C1orf21: variants seen among roughly 807,000 people sequenced by gnomAD.
C1orf21 encodes the protein chromosome 1 open reading frame 21.
In C1orf21, 3 loss-of-function variants were observed where a neutral mutation model predicts 18.7. That is an observed-to-expected ratio of 0.16 (90% CI 0.07 to 0.42). C1orf21 has a LOEUF of 0.42. Ranked by LOEUF, C1orf21 falls within the 10% of genes least tolerant of loss-of-function variation. The pLI, the probability that C1orf21 is intolerant of heterozygous loss-of-function variation, is 0.99. For missense variants in C1orf21, 104 were observed against 143.6 expected (o/e 0.72, Z 1.41); for synonymous variants, 41 against 46.4 (o/e 0.88, Z 0.47).
intron 1 of C1orf21, among the ~76,000 whole-genome samples, chr1:184,405,027 A>C (rs953234765): frequency 6.6e-6 from 1 of 152,112 alleles, no homozygotes; most frequent in African/African-American, 2.4e-5. Flanking sequence ...CTTGCATTAA[A>C]ATTTTATGTG....
chr1:184,531,222 G>A (rs1434819665), intron 3 of C1orf21, among the ~76,000 whole-genome samples: 1 of 152,050 alleles, frequency 6.6e-6, no homozygotes, highest in East Asian at 1.9e-4. Context: ...TCTGGCTTTG[G>A]TGTTAACTTC....
intron 3 of C1orf21, among the ~76,000 whole-genome samples, chr1:184,539,530 T>G (rs1248724271): frequency 1.3e-5 from 2 of 152,246 alleles, no homozygotes; most frequent in Non-Finnish European, 2.9e-5. Flanking sequence ...ATGTTTCCTC[T>G]TCTTCAGTTA....
chr1:184,617,536 T>A (rs1333916688), intron 5 of C1orf21, among the ~76,000 whole-genome samples: 1 of 152,208 alleles, frequency 6.6e-6, no homozygotes, highest in African/African-American at 2.4e-5. Flanking sequence ...TCAGAGCATG[T>A]CTCCTGAGTG....
chr1:184,440,858 A>T (rs1191952532), intron 1 of C1orf21, among the ~76,000 whole-genome samples: 2 of 152,200 alleles, frequency 1.3e-5, no homozygotes, highest in Non-Finnish European at 1.5e-5. Context: ...GGCTGGCCAG[A>T]TTCTACATTT....
intron 1 of C1orf21, among the ~76,000 whole-genome samples, chr1:184,415,964 A>G (rs1157076461): frequency 1.3e-5 from 2 of 152,200 alleles, no homozygotes; most frequent in African/African-American, 2.4e-5. Context: ...CTTCTCAGGA[A>G]TATAATCGGG....
At chr1:184,530,314 A>G (rs1404867514) in intron 3 of C1orf21, among the ~76,000 whole-genome samples, 3 of 152,090 alleles carry the variant, frequency 2.0e-5, no homozygotes, top group East Asian at 3.9e-4. Flanking sequence ...GATGGAGACA[A>G]TAATGGCACC....
chr1:184,472,545 T>A (rs1003618441), intron 1 of C1orf21, among the ~76,000 whole-genome samples: 1 of 152,248 alleles, frequency 6.6e-6, no homozygotes, highest in Non-Finnish European at 1.5e-5. Flanking sequence ...TAATGTTATG[T>A]AAATAGAAAT....
At position 184,623,526 on chromosome 1, in the gene C1orf21, AG is replaced by A. The variant is rs1659958015; in HGVS notation, c.*3973del. On this transcript the variant is annotated 3_prime_UTR_variant, in exon 6 of 6. Transcript: ENST00000235307. ...AAATAATAAGGCATGATTGGTGGGGAGGGAATGTGTATTTAGGGGCATAATA... is the reference window on the plus strand; with the variant it reads ...AAATAATAAGGCATGATTGGTGGGGAGGAATGTGTATTTAGGGGCATAATA... 1 of 151,928 alleles carries A rather than the reference AG, an allele frequency of 6.6e-6. No individual in the cohort carries two copies. Among genetic ancestry groups the A allele is most frequent in the South Asian group, 2.1e-4 (1 of 4,812 alleles). The allele number at this position is 151,928 out of a possible 1,614,324, so 9.4% of individuals were successfully genotyped here.
rs140741155 is a variant in C1orf21, at chr1:184,425,099, G to A, written c.-125+37731G>A. 1.5e-3 allele frequency among the ~76,000 whole-genome samples: 225 copies of A among 152,260 alleles called. 2 individuals carry two copies. Among genetic ancestry groups the A allele is most frequent in the Middle Eastern group, 0.01 (3 of 294 alleles). On this transcript the variant is annotated intron_variant, in intron 1 of 5. Transcript: ENST00000235307. ...GGAATAAGGCTCATGAATGGGGCCTGAATGTTTGGGTGTGACTTCTGGCTC... is the reference window on the plus strand; with the variant it reads ...GGAATAAGGCTCATGAATGGGGCCTAAATGTTTGGGTGTGACTTCTGGCTC...
chr1:184,560,857 T>C (rs1658954320), intron 3 of C1orf21, among the ~76,000 whole-genome samples: 1 of 152,216 alleles, frequency 6.6e-6, no homozygotes, highest in African/African-American at 2.4e-5. Context: ...ATTAATGAGA[T>C]GGTGACTAAT....
At chr1:184,587,752 A>T (rs1043679309) in intron 3 of C1orf21, among the ~76,000 whole-genome samples, 1 of 147,716 alleles carries the variant, frequency 6.8e-6, no homozygotes. Context: ...AGTAGCTGGG[A>T]TTAGAGGCAC....
chr1:184,431,847 A>G (rs34282348), intron 1 of C1orf21, among the ~76,000 whole-genome samples: 11,908 of 152,288 alleles, frequency 0.078, 580 homozygotes, highest in African/African-American at 0.12. Context: ...AAACAACCTC[A>G]TCAAAAAGTG....
chr1:184,510,454 C>A (rs1658127243), intron 3 of C1orf21, among the ~76,000 whole-genome samples: 1 of 152,136 alleles, frequency 6.6e-6, no homozygotes, highest in South Asian at 2.1e-4. Flanking sequence ...ATACAAAGAG[C>A]TGCAGCTATT....
intron 3 of C1orf21, among the ~76,000 whole-genome samples, chr1:184,562,009 G>T (rs1658973826): frequency 6.6e-6 from 1 of 151,326 alleles, no homozygotes; most frequent in Non-Finnish European, 1.5e-5. Context: ...GCCTTTTTTA[G>T]GTTTTCTTTT....
intron 2 of C1orf21, among the ~76,000 whole-genome samples, chr1:184,489,933 A>G (rs890516414): frequency 6.6e-6 from 1 of 152,200 alleles, no homozygotes; most frequent in African/African-American, 2.4e-5. Context: ...TTTATGTTTA[A>G]CATTTATCAT....
intron 1 of C1orf21, among the ~76,000 whole-genome samples, chr1:184,444,957 AT>A (rs1359682729): frequency 1.3e-5 from 2 of 152,124 alleles, no homozygotes; most frequent in African/African-American, 4.8e-5. Context: ...TGAATATAAT[AT>A]TTGTTCAATG....
Position 184,521,027 on chromosome 1 carries a change from G to A in C1orf21, c.189+13345G>A, listed in dbSNP as rs180778541. On this transcript the variant is annotated intron_variant, in intron 3 of 5. Transcript: ENST00000235307. ...TCCTGCCTCAGCCTCCCGAGTAGCT[G>A]GGATTACAGGCATACGCCACTATGT... Among the ~76,000 whole-genome samples, 10 of 152,210 alleles carry A rather than the reference G, an allele frequency of 6.6e-5. No homozygotes were observed. In the East Asian group the frequency reaches 1.7e-3, roughly 26 times the overall value.
At chr1:184,595,336 T>A in intron 4 of C1orf21, among the ~76,000 whole-genome samples, 1 of 152,174 alleles carries the variant, frequency 6.6e-6, no homozygotes, top group Non-Finnish European at 1.5e-5. Context: ...CAGTGAGCTT[T>A]TCCTCCTCAT....
intron 1 of C1orf21, among the ~76,000 whole-genome samples, chr1:184,405,730 A>G (rs566120828): frequency 6.6e-6 from 1 of 152,216 alleles, no homozygotes. Flanking sequence ...ATCTCTGTCT[A>G]TTCCTCTTTA....
Sources: gnomAD v4.1 joint callset for allele counts (sites outside exome capture counted in the v4.1 genomes callset) on GRCh38, gnomAD v4.1.1 for gene constraint, MANE v1.5 for transcripts, NCBI Gene and HGNC (gene_info 2026-07-23, HGNC 2026-07-21) for gene names.